Variants in EDNRB observed in about 807,000 individuals in gnomAD.
The protein encoded by EDNRB is Hirschsprung disease 2.
In EDNRB, 18 loss-of-function variants were observed where a neutral mutation model predicts 46.4. The ratio of observed to expected loss-of-function variants is 0.39; its 90% CI spans 0.27 to 0.57. The LOEUF (loss-of-function observed/expected upper bound fraction) is 0.57. Ranked by LOEUF, EDNRB falls within the 20% of genes least tolerant of loss-of-function variation. The pLI, the probability that EDNRB is intolerant of heterozygous loss-of-function variation, is 0.61. For synonymous variants in EDNRB, 213 were observed against 204.9 expected (o/e 1.04, Z -0.34); for missense variants, 434 against 537.5 (o/e 0.81, Z 1.90).
At chr13:77,916,222 C>T (rs1050166944) in intron 1 of EDNRB, among the ~76,000 whole-genome samples, 9 of 152,206 alleles carry the variant, frequency 5.9e-5, no homozygotes, top group Non-Finnish European at 1.3e-4. Flanking sequence ...TTTTAATCTC[C>T]CTTTGGGAAG....
intron 1 of EDNRB, among the ~76,000 whole-genome samples, chr13:77,969,410 C>T (rs754963869): frequency 1.5e-4 from 23 of 152,126 alleles, no homozygotes; most frequent in Admixed American, 9.2e-4. Context: ...GCTGTTATAA[C>T]GACAGGAGTG....
At chr13:77,953,230 A>G (rs1477923192) in intron 1 of EDNRB, among the ~76,000 whole-genome samples, 1 of 152,168 alleles carries the variant, frequency 6.6e-6, no homozygotes, top group African/African-American at 2.4e-5. Flanking sequence ...TCCTTTCATT[A>G]TGAATATTCA....
chr13:77,936,681 G>A (rs1880575561), intron 1 of EDNRB, among the ~76,000 whole-genome samples: 1 of 152,204 alleles, frequency 6.6e-6, no homozygotes, highest in Admixed American at 6.5e-5. Context: ...GAGTTGAACA[G>A]TCTGATTTTC....
In EDNRB at chr13:77,898,214, A is replaced by G. The variant is rs1566302677; in HGVS notation, c.1315T>C (p.Tyr439His). 6.2e-7 allele frequency: 1 copy of G among 1,611,760 alleles called. No individual in the cohort carries two copies. Among genetic ancestry groups the G allele is most frequent in the Non-Finnish European group, 8.5e-7 (1 of 1,178,654 alleles). Residue 439 changes from tyrosine to histidine, a missense_variant, in exon 7 of 7, where the codon TAC becomes CAC. Tyr to His is a moderately conservative substitution (Grantham distance 83). Coordinates refer to ENST00000646607, the MANE Select transcript of EDNRB (RefSeq NM_001122659.3). Reference protein sequence around the residue: ...GYDNFRSSNKYSSS With the variant: ...GYDNFRSSNKHSSS ...TAGTTCTTCTTTCAAGATGAGCTGT[A>G]TTTATTACTGGAACGGAAGTTGTCA...
intron 3 of EDNRB, 87 bp downstream of exon 3, chr13:77,903,069 G>C (rs1443232825): frequency 2.2e-6 from 3 of 1,392,252 alleles, no homozygotes; most frequent in Non-Finnish European, 3.0e-6. Flanking sequence ...TAAATCAACA[G>C]TTTCCCAAGG....
chr13:77,938,988 G>A (rs535581539), intron 1 of EDNRB, among the ~76,000 whole-genome samples: 27 of 152,302 alleles, frequency 1.8e-4, no homozygotes, highest in African/African-American at 6.3e-4. Flanking sequence ...TTTCATGCAC[G>A]TCAGTGTGAA....
chr13:77,957,366 T>C (rs1008023836), intron 1 of EDNRB, among the ~76,000 whole-genome samples: 4 of 152,188 alleles, frequency 2.6e-5, no homozygotes, highest in African/African-American at 9.7e-5. Context: ...AATATATTCA[T>C]TAGAATGCAA....
chr13:77,919,476 CCTG>C, upstream of EDNRB: 1 of 1,612,818 alleles, frequency 6.2e-7, no homozygotes. Flanking sequence ...TGGGTTCCAG[CCTG>C]CTCTGGGAGA....
In EDNRB at chr13:77,903,118, G is replaced by A. The variant is rs1408114275; in HGVS notation, c.801+38C>T. ...GGAAAAATAGCTAAATATTTATAAG[G>A]CAAGAGCAGAAAGGAAAATAAAAAA... On this transcript the variant is annotated intron_variant, in intron 3 of 6. Coordinates refer to ENST00000646607, the MANE Select transcript of EDNRB (RefSeq NM_001122659.3). The A allele has an allele frequency of 3.1e-6, 5 of 1,603,110 alleles. No homozygotes were observed. In the African/African-American group the frequency reaches 5.4e-5, roughly 17 times the overall value.
chr13:77,932,139 C>T (rs1247159357), intron 1 of EDNRB, among the ~76,000 whole-genome samples: 4 of 151,594 alleles, frequency 2.6e-5, no homozygotes, highest in Admixed American at 6.6e-5. Context: ...GTCTTTTAGA[C>T]ACTGGCTGCC....
intron 6 of EDNRB, among the ~76,000 whole-genome samples, 193 bp from the exon 7 acceptor site, chr13:77,898,527 G>A (rs1878757401): frequency 1.3e-5 from 2 of 151,828 alleles, no homozygotes; most frequent in African/African-American, 4.8e-5. Flanking sequence ...CTAAAAAAAT[G>A]CAGAGAAGAA....
intron 1 of EDNRB, among the ~76,000 whole-genome samples, chr13:77,950,742 G>C (rs60084876): frequency 6.6e-6 from 1 of 152,152 alleles, no homozygotes; most frequent in Non-Finnish European, 1.5e-5. Flanking sequence ...CCAGTAGGAG[G>C]CTCTTTCTCT....
chr13:77,960,182 G>A (rs144020362), intron 1 of EDNRB, among the ~76,000 whole-genome samples: 83 of 152,140 alleles, frequency 5.5e-4, no homozygotes, highest in African/African-American at 1.9e-3. Context: ...CAGGAAATAC[G>A]AGAATGCCAC....
chr13:77,944,304 T>C (rs1880839521), intron 1 of EDNRB, among the ~76,000 whole-genome samples: 1 of 152,138 alleles, frequency 6.6e-6, no homozygotes, highest in African/African-American at 2.4e-5. Context: ...CATAAGGGCC[T>C]GGTTATAAGT....
At position 77,896,402 on chromosome 13, in the gene EDNRB, T is replaced by C. The variant is rs1242591741; in HGVS notation, c.*1798A>G. 9 of 1,528,330 alleles carry C rather than the reference T, an allele frequency of 5.9e-6. No individual in the cohort carries two copies. In the South Asian group the frequency reaches 7.6e-5, roughly 13 times the overall value. The allele number at this position is 1,528,330 out of a possible 1,614,324, so 94.7% of individuals were successfully genotyped here. A position where few individuals can be genotyped will look rare whatever the true frequency, so the allele number is the denominator to read the frequency against. On this transcript the variant is annotated 3_prime_UTR_variant, in exon 7 of 7. Transcript: ENST00000646607. Reference sequence around the variant, plus strand: ...ATTGGGATGAAATTAAAGAACAAGTTTGTGGGTGATTTATAAATAGAATCC... The same window carrying C: ...ATTGGGATGAAATTAAAGAACAAGTCTGTGGGTGATTTATAAATAGAATCC...
chr13:77,917,472 C>T (rs1439292327), intron 1 of EDNRB, among the ~76,000 whole-genome samples: 1 of 152,148 alleles, frequency 6.6e-6, no homozygotes, highest in Non-Finnish European at 1.5e-5. Context: ...CAAAGTCTTC[C>T]AAAACAGTCC....
intron 1 of EDNRB, among the ~76,000 whole-genome samples, chr13:77,929,878 C>A (rs1037961927): frequency 6.6e-6 from 1 of 152,166 alleles, no homozygotes; most frequent in African/African-American, 2.4e-5. Flanking sequence ...ATTATGTTTG[C>A]AAATCATTCA....
Position 77,897,811 on chromosome 13 carries a change from A to G in EDNRB, c.*389T>C. The G allele has an allele frequency of 9.9e-7, 1 of 1,005,312 alleles. No individual in the cohort carries two copies. 62.3% of individuals were successfully genotyped at this position (1,005,312 alleles called of 1,614,324 possible). A position where few individuals can be genotyped will look rare whatever the true frequency, so the allele number is the denominator to read the frequency against. On this transcript the variant is annotated 3_prime_UTR_variant, in exon 7 of 7. Transcript: ENST00000646607. ...CATTTAAAAGTTCTGTTTTACAGTG[A>G]CTTATTCTTCCTTTATATCAGAGTC...
At chr13:77,906,339 C>G (rs1315928995) in intron 1 of EDNRB, among the ~76,000 whole-genome samples, 1 of 151,978 alleles carries the variant, frequency 6.6e-6, no homozygotes, top group East Asian at 1.9e-4. Context: ...ATGCTAGACC[C>G]AGCCTGGTAC....
Sources: allele counts gnomAD v4.1 joint callset (sites outside exome capture counted in the v4.1 genomes callset), GRCh38; gene constraint gnomAD v4.1.1; transcripts MANE v1.5; gene names NCBI Gene and HGNC (gene_info 2026-07-23, HGNC 2026-07-21).